Variants in PLS1 observed in about 807,000 individuals in gnomAD.
The protein encoded by PLS1 is plastin 1, also known as plastin-1.
Under a neutral mutation model 73.7 loss-of-function variants are expected in PLS1, and 32 were observed. The ratio of observed to expected loss-of-function variants is 0.43; its 90% CI spans 0.33 to 0.58. PLS1 has a LOEUF of 0.58. PLS1 is among the 20% of genes least tolerant of loss of function. The pLI, the probability that PLS1 is intolerant of heterozygous loss-of-function variation, is 0.04. For synonymous variants in PLS1, 217 were observed against 261.3 expected (o/e 0.83, Z 1.63); for missense variants, 633 against 740.5 (o/e 0.85, Z 1.68).
chr3:142,677,840 G>A (rs1009552687), intron 5 of PLS1, among the ~76,000 whole-genome samples, 192 bp from the exon 6 acceptor site: 8 of 151,904 alleles, frequency 5.3e-5, no homozygotes, highest in Non-Finnish European at 8.8e-5. Flanking sequence ...ACACAGGCTG[G>A]CCTCAAACTC....
intron 1 of PLS1, among the ~76,000 whole-genome samples, chr3:142,596,948 G>A (rs1318489319): frequency 6.6e-6 from 1 of 152,022 alleles, no homozygotes; most frequent in East Asian, 1.9e-4. Flanking sequence ...TGCTGTTTTT[G>A]GTACCTTTCC....
At chr3:142,650,171 T>C (rs1176528100) in intron 1 of PLS1, among the ~76,000 whole-genome samples, 1 of 151,646 alleles carries the variant, frequency 6.6e-6, no homozygotes, top group Non-Finnish European at 1.5e-5. Context: ...GTCTTGTCTT[T>C]ACTGTTTGTT....
intron 1 of PLS1, among the ~76,000 whole-genome samples, chr3:142,636,295 A>G (rs1393228462): frequency 6.6e-6 from 1 of 152,380 alleles, no homozygotes; most frequent in Non-Finnish European, 1.5e-5. Context: ...AGGCTCACAC[A>G]TATGGACAAC....
intron 11 of PLS1, among the ~76,000 whole-genome samples, chr3:142,695,761 CTTAT>C (rs55888631): frequency 0.42 from 38,696 of 92,906 alleles, 6,173 homozygotes; most frequent in East Asian, 0.62. Flanking sequence ...AGGAGACTTA[CTTAT>C]TTATTTATTT....
At chr3:142,678,894 G>A (rs2037783616) in intron 6 of PLS1, among the ~76,000 whole-genome samples, 1 of 151,982 alleles carries the variant, frequency 6.6e-6, no homozygotes, top group African/African-American at 2.4e-5. Flanking sequence ...CACCAACAGT[G>A]TAAAAGTGTT....
intron 1 of PLS1, among the ~76,000 whole-genome samples, chr3:142,608,262 A>AT (rs1405427025): frequency 4.6e-5 from 7 of 152,234 alleles, no homozygotes; most frequent in African/African-American, 1.7e-4. Context: ...AGATGATCAA[A>AT]TTCGGTAGTG....
At chr3:142,624,167 T>A (rs2036371947) in intron 1 of PLS1, among the ~76,000 whole-genome samples, 1 of 152,208 alleles carries the variant, frequency 6.6e-6, no homozygotes, top group Admixed American at 6.5e-5. Flanking sequence ...AGAAAATATC[T>A]AAATGGAAAT....
At chr3:142,644,091 G>T (rs2036900480) in intron 1 of PLS1, among the ~76,000 whole-genome samples, 1 of 152,040 alleles carries the variant, frequency 6.6e-6, no homozygotes, top group African/African-American at 2.4e-5. Context: ...GTCTCCCAAA[G>T]TGTTGGGATT....
rs1560082678 is a variant in PLS1 at position 142,713,006 on chromosome 3, G to T, written c.*999G>T. 6.6e-6 allele frequency: 1 copy of T among 152,462 alleles called. No individual in the cohort carries two copies. Among genetic ancestry groups the T allele is most frequent in the Non-Finnish European group, 1.5e-5 (1 of 67,974 alleles). The allele number at this position is 152,462 out of a possible 1,614,324, so 9.4% of individuals were successfully genotyped here. On this transcript the variant is annotated 3_prime_UTR_variant, in exon 16 of 16. Transcript: ENST00000457734. ...CTTCATATTATACTTGCTAGTTTAGGTCTCTATAGAAGCCCTATATAATTT... is the reference window on the plus strand; with the variant it reads ...CTTCATATTATACTTGCTAGTTTAGTTCTCTATAGAAGCCCTATATAATTT...
chr3:142,634,874 A>T (rs1311933343), intron 1 of PLS1, among the ~76,000 whole-genome samples: 1 of 151,864 alleles, frequency 6.6e-6, no homozygotes, highest in African/African-American at 2.4e-5. Context: ...ATAATAAAAC[A>T]TATGGGGTTT....
At chr3:142,637,872 C>A (rs34372236) in intron 1 of PLS1, among the ~76,000 whole-genome samples, 69,710 of 150,726 alleles carry the variant, frequency 0.46, 16,399 homozygotes, top group African/African-American at 0.51. Context: ...CTCTCTCTCT[C>A]TATATATATA....
intron 4 of PLS1, among the ~76,000 whole-genome samples, chr3:142,673,375 A>ACCACATTT (rs1349985188): frequency 6.6e-6 from 1 of 152,112 alleles, no homozygotes; most frequent in East Asian, 1.9e-4. Flanking sequence ...TATGGGCAAT[A>ACCACATTT]CCACATTTTG....
chr3:142,671,121 A>G lies in PLS1; in HGVS notation c.363A>G (p.Ser121=), dbSNP rs142931972. The G allele has an allele frequency of 2.7e-4, 436 of 1,610,138 alleles. No individual in the cohort carries two copies. The highest frequency in any genetic ancestry group is 3.2e-4 in the Non-Finnish European group (376 of 1,177,436). Residue 121 remains serine, a splice_region_variant and synonymous_variant, in exon 4 of 16, where the codon TCA becomes TCG. Coordinates refer to ENST00000457734, the MANE Select transcript of PLS1 (RefSeq NM_001145319.2). ...GTGAGGGCACACAGCATTCTTATTCAGGTAACTGACTTCTCCAAATTTGAT... is the reference window on the plus strand; with the variant it reads ...GTGAGGGCACACAGCATTCTTATTCGGGTAACTGACTTCTCCAAATTTGAT... ...ISSEGTQHSY[S]EEEKVAFVNW...
chr3:142,661,712 T>G (rs2037375801), intron 1 of PLS1, among the ~76,000 whole-genome samples: 1 of 152,214 alleles, frequency 6.6e-6, no homozygotes, highest in South Asian at 2.1e-4. Context: ...ATTCCTATTG[T>G]TTTATAAAGC....
At chr3:142,656,188 C>T (rs1350648982) in intron 1 of PLS1, among the ~76,000 whole-genome samples, 3 of 152,206 alleles carry the variant, frequency 2.0e-5, no homozygotes, top group African/African-American at 7.2e-5. Flanking sequence ...TCTCGAACTC[C>T]TGACCTCAAG....
In PLS1 at chr3:142,713,165, G is replaced by A. The variant is rs1560082836; in HGVS notation, c.*1158G>A. 6.6e-6 allele frequency: 1 copy of A among 152,546 alleles called. No individual in the cohort carries two copies. 9.4% of individuals were successfully genotyped at this position (152,546 alleles called of 1,614,324 possible). On this transcript the variant is annotated 3_prime_UTR_variant, in exon 16 of 16. Coordinates refer to ENST00000457734, the MANE Select transcript of PLS1 (RefSeq NM_001145319.2). ...TTAATGTTTGTATTACTTGGAAATC[G>A]CTACAGCTTGGACTATTTTTTTCTA... is the stretch of plus-strand genomic sequence containing the variant.
At chr3:142,608,782 T>C (rs1560027962) in intron 1 of PLS1, among the ~76,000 whole-genome samples, 1 of 152,246 alleles carries the variant, frequency 6.6e-6, no homozygotes. Flanking sequence ...AGCATACCTG[T>C]TGACTGCTAA....
intron 1 of PLS1, among the ~76,000 whole-genome samples, chr3:142,637,990 A>G (rs76630553): frequency 2.0e-4 from 30 of 152,192 alleles, no homozygotes; most frequent in African/African-American, 6.3e-4. Context: ...GCGCCATCGG[A>G]AAAGGTGATA....
Position 142,684,441 on chromosome 3 carries a change from C to T in PLS1, c.888+46C>T, listed in dbSNP as rs781103184. On this transcript the variant is annotated intron_variant, in intron 8 of 15. Coordinates refer to ENST00000457734, the MANE Select transcript of PLS1 (RefSeq NM_001145319.2). The stretch of plus-strand genomic sequence containing the variant: ...ATTTGTGACATGAAATAAGGATGTG[C>T]AGTGTAAAAATAAAAGGGGTTCAGA... 5.3e-6 allele frequency: 8 copies of T among 1,516,092 alleles called. No homozygotes were observed. In the African/African-American group the frequency reaches 9.7e-5, roughly 18 times the overall value. 93.9% of individuals were successfully genotyped at this position (1,516,092 alleles called of 1,614,324 possible). A position where few individuals can be genotyped will look rare whatever the true frequency, so the allele number is the denominator to read the frequency against.
Sources: allele counts gnomAD v4.1 joint callset (sites outside exome capture counted in the v4.1 genomes callset), GRCh38; gene constraint gnomAD v4.1.1; transcripts MANE v1.5; gene names NCBI Gene and HGNC (gene_info 2026-07-23, HGNC 2026-07-21).